The following HGD variants were observed in gnomAD, a reference collection of about 807,000 sequenced individuals.
The protein encoded by HGD is homogentisate 1,2-dioxygenase.
HGD carries 61 observed loss-of-function variants against 60.8 expected under a neutral mutation model. The observed-to-expected ratio is 1.00, with a 90% CI of 0.82 to 1.24. The LOEUF (loss-of-function observed/expected upper bound fraction) is 1.24, where lower values mean the gene tolerates loss of function less well. Among genes scored for constraint, HGD ranks in the 50% most tolerant of loss-of-function variants. The pLI, the probability that HGD is intolerant of heterozygous loss-of-function variation, is 0.00. For missense variants in HGD, 542 were observed against 547.1 expected, an observed-to-expected ratio of 0.99 and a Z score of 0.09; for synonymous variants, 212 against 187.7, an observed-to-expected ratio of 1.13 and a Z score of -1.06.
chr3:120,646,484 G>A (rs912007162), intron 8 of HGD, 118 bp from the exon 9 acceptor site: 2 of 752,688 alleles, frequency 2.7e-6, no homozygotes, highest in African/African-American at 1.7e-5. Flanking sequence ...TTGTTGAGCT[G>A]CTTGGGAGGT....
intron 1 of HGD, among the ~76,000 whole-genome samples, chr3:120,680,018 T>C (rs991697346): frequency 6.6e-5 from 10 of 152,206 alleles, no homozygotes; most frequent in Non-Finnish European, 1.5e-5. Flanking sequence ...AGAAGCTTGT[T>C]ACATACAGAC....
chr3:120,633,482 A>G, intron 12 of HGD, 154 bp from the exon 13 acceptor site: 3 of 1,536,686 alleles, frequency 2.0e-6, no homozygotes, highest in Non-Finnish European at 2.6e-6. Flanking sequence ...ACAGAAGAAC[A>G]ATCATAAAAC....
chr3:120,668,988 C>T (rs1282279734), intron 4 of HGD, among the ~76,000 whole-genome samples: 1 of 152,122 alleles, frequency 6.6e-6, no homozygotes, highest in African/African-American at 2.4e-5. Context: ...GGTTCTGTCT[C>T]ATTTTATCTT....
chr3:120,628,573 G>A, intron 13 of HGD, 44 bp from the exon 14 acceptor site: 1 of 1,595,996 alleles, frequency 6.3e-7, no homozygotes, highest in Non-Finnish European at 8.6e-7. Context: ...AGGTGAGATA[G>A]ATAATAAACA....
At chr3:120,671,686 C>T (rs888761497) in intron 3 of HGD, among the ~76,000 whole-genome samples, 2 of 152,208 alleles carry the variant, frequency 1.3e-5, no homozygotes, top group Non-Finnish European at 2.9e-5. Context: ...GATACATGCA[C>T]ACGTATGTTT....
intron 4 of HGD, among the ~76,000 whole-genome samples, chr3:120,670,129 G>T (rs745914860): frequency 2.0e-5 from 3 of 152,126 alleles, no homozygotes; most frequent in Admixed American, 6.6e-5. Flanking sequence ...GGATGTGTTT[G>T]CTTCCCTTTC....
rs1708120213 is a variant in HGD, at chr3:120,675,860, T to G, written c.19A>C (p.Ile7Leu). 6.2e-7 allele frequency: 1 copy of G among 1,612,976 alleles called. No individual in the cohort carries two copies. The highest frequency in any genetic ancestry group is 1.7e-4 in the Middle Eastern group (1 of 6,054). Residue 7 changes from isoleucine to leucine, a missense_variant, in exon 2 of 14, where the codon ATT (isoleucine) becomes CTT (leucine). By Grantham distance (5) the Ile-to-Leu change is conservative (BLOSUM62 2). Coordinates refer to ENST00000283871, the MANE Select transcript of HGD (RefSeq NM_000187.4). ...GAACACTCATTCCCAAATCCAGAAA[T>G]GTACTGTAGGTGACAAAGACACAAA... is the stretch of plus-strand genomic sequence containing the variant. MAELKY[I>L]SGFGNECSSE...
At position 120,635,460 on chromosome 3, in the gene HGD, G is replaced by C. The variant is rs1212829019; in HGVS notation, c.1007-2132C>G. Among the ~76,000 whole-genome samples, 83 of 116,858 alleles carry C rather than the reference G, an allele frequency of 7.1e-4. 2 individuals are homozygous for C. In the Admixed American group the frequency reaches 9.4e-3, roughly 13 times the overall value. The allele number at this position is 116,858 out of a possible 152,430, so 76.7% of individuals were successfully genotyped here. A position where few individuals can be genotyped will look rare whatever the true frequency, so the allele number is the denominator to read the frequency against. Reference sequence around the variant, plus strand: ...CCACTGCACTCCAGCCTGGGAGACAGAGTGAGATTCCGTCTCAAAAAAAAA... The same window carrying C: ...CCACTGCACTCCAGCCTGGGAGACACAGTGAGATTCCGTCTCAAAAAAAAA... On this transcript the variant is annotated intron_variant, in intron 12 of 13. Transcript: ENST00000283871.
chr3:120,662,085 T>C (rs1707784742), intron 4 of HGD, among the ~76,000 whole-genome samples: 1 of 152,140 alleles, frequency 6.6e-6, no homozygotes, highest in African/African-American at 2.4e-5. Context: ...AAAATGACGA[T>C]GGTTCTAGTG....
chr3:120,662,106 G>A (rs915741032), intron 4 of HGD, among the ~76,000 whole-genome samples: 1 of 152,158 alleles, frequency 6.6e-6, no homozygotes, highest in Non-Finnish European at 1.5e-5. Flanking sequence ...TGACTGATAG[G>A]TAGGGGACAT....
At chr3:120,677,224 A>G (rs991787656) in intron 1 of HGD, among the ~76,000 whole-genome samples, 1 of 152,226 alleles carries the variant, frequency 6.6e-6, no homozygotes, top group African/African-American at 2.4e-5. Flanking sequence ...ACAGGATAAC[A>G]GCAATTGTTC....
chr3:120,641,935 T>G (rs566280379), intron 10 of HGD: 6 of 525,344 alleles, frequency 1.1e-5, no homozygotes, highest in Admixed American at 3.0e-5. Context: ...TGATCACACA[T>G]GCAGCAGAAA....
intron 4 of HGD, among the ~76,000 whole-genome samples, chr3:120,661,699 AT>A (rs1278497941): frequency 3.3e-5 from 5 of 152,360 alleles, no homozygotes; most frequent in Admixed American, 6.5e-5. Context: ...AAGAAGTGAA[AT>A]GTAAGTTGAT....
intron 8 of HGD, 47 bp downstream of exon 8, chr3:120,646,926 T>C: frequency 5.6e-6 from 8 of 1,441,008 alleles, no homozygotes; most frequent in Non-Finnish European, 7.8e-6. Context: ...ATCTGACTGC[T>C]CCCAAATTAG....
chr3:120,670,673 T>C, intron 3 of HGD, 141 bp from the exon 4 acceptor site: 2 of 703,634 alleles, frequency 2.8e-6, no homozygotes, highest in East Asian at 2.6e-5. Context: ...AGTGAAGCAA[T>C]GATACAGCAT....
chr3:120,642,229 T>C (rs141379507), intron 10 of HGD, among the ~76,000 whole-genome samples: 3,236 of 152,308 alleles, frequency 0.021, 51 homozygotes, highest in Middle Eastern at 0.041. Flanking sequence ...GGTCCTGTCC[T>C]GGGGTAGAAG....
intron 10 of HGD, among the ~76,000 whole-genome samples, chr3:120,643,795 A>G (rs1232602281): frequency 1.3e-5 from 2 of 152,148 alleles, no homozygotes; most frequent in African/African-American, 4.8e-5. Flanking sequence ...TTATTTATTA[A>G]TATCTGTGCC....
chr3:120,667,032 A>C (rs1707913954), intron 4 of HGD, among the ~76,000 whole-genome samples: 1 of 152,170 alleles, frequency 6.6e-6, no homozygotes, highest in Admixed American at 6.5e-5. Flanking sequence ...TCATACAATC[A>C]GACAAAGCTA....
chr3:120,672,651 G>A (rs989054412), intron 3 of HGD, among the ~76,000 whole-genome samples: 13 of 152,140 alleles, frequency 8.5e-5, no homozygotes, highest in South Asian at 4.1e-4. Flanking sequence ...ATGAAGTTCA[G>A]AGCATGTGTG....
Sources: gnomAD v4.1 joint callset for allele counts (sites outside exome capture counted in the v4.1 genomes callset) on GRCh38, gnomAD v4.1.1 for gene constraint, MANE v1.5 for transcripts, NCBI Gene and HGNC (gene_info 2026-07-23, HGNC 2026-07-21) for gene names.